Variants in GSE1 observed in about 807,000 individuals in gnomAD.
The protein encoded by GSE1 is Gse1 coiled-coil protein.
Under a neutral mutation model 112.6 loss-of-function variants are expected in GSE1, and 32 were observed. That is an observed-to-expected ratio of 0.28 (90% CI 0.21 to 0.38). The LOEUF (loss-of-function observed/expected upper bound fraction) is 0.38. GSE1 is among the 10% of genes least tolerant of loss of function. The probability of loss-of-function intolerance (pLI) is 1.00; values close to 1 mark genes in which losing one functional copy is unlikely to be tolerated. For synonymous variants in GSE1, 1,115 were observed against 735.6 expected (o/e 1.52, Z -8.35); for missense variants, 2,348 against 1,699.2 (o/e 1.38, Z -6.71).
intron 1 of GSE1, among the ~76,000 whole-genome samples, chr16:85,246,437 ACACACACACAC>A (rs1366802954): frequency 2.4e-5 from 1 of 42,382 alleles, no homozygotes; most frequent in African/African-American, 2.2e-4. Context: ...TGCTCTCTAC[ACACACACACAC>A]ACACACACAC....
intron 2 of GSE1, among the ~76,000 whole-genome samples, chr16:85,366,628 T>G (rs1434705857): frequency 6.6e-6 from 1 of 152,152 alleles, no homozygotes; most frequent in Non-Finnish European, 1.5e-5. Flanking sequence ...CTCCCGCCCC[T>G]CTGTTTCCTG....
At chr16:85,593,760 A>G (rs1253404852) in intron 1 of GSE1, 1 of 152,254 alleles carries the variant, frequency 6.6e-6, no homozygotes, top group Admixed American at 6.5e-5. Context: ...CAGAAAGATC[A>G]TGTGGTTAAG....
At position 85,624,190 on chromosome 16, in the gene GSE1, G is replaced by A. The variant is rs1273651910; in HGVS notation, c.8-9724G>A. Among the ~76,000 whole-genome samples, 33 of 152,202 alleles carry A rather than the reference G, an allele frequency of 2.2e-4. 1 individual carries two copies. The highest frequency in any genetic ancestry group is 2.1e-4 in the South Asian group (1 of 4,834). On this transcript the variant is annotated intron_variant, in intron 1 of 15. Transcript: ENST00000253458. The stretch of plus-strand genomic sequence containing the variant: ...GACCTCAGTGCCCGCCCTGGGGTGG[G>A]GGAGCCAGGTTGGATTTCCCTCCTG...
chr16:85,663,399 T>C lies in GSE1; in HGVS notation c.2429T>C (p.Leu810Ser), dbSNP rs747082934. Residue 810 changes from leucine to serine, a missense_variant, in exon 11 of 16, where the codon TTG (leucine) becomes TCG (serine). Leu to Ser is a moderately radical substitution (Grantham distance 145). Transcript: ENST00000253458. The part of the protein sequence containing the change: ...GLTTQQQKEE[L>S]VAQKRRKRRR... ...ACCACCCAACAGCAGAAGGAGGAAT[T>C]GGTGGCCCAGAAGCGGAGGAAGCGG... is the stretch of plus-strand genomic sequence containing the variant. 2.5e-6 allele frequency: 4 copies of C among 1,613,662 alleles called. No individual in the cohort carries two copies. The highest frequency in any genetic ancestry group is 2.7e-5 in the African/African-American group (2 of 74,856).
intron 1 of GSE1, among the ~76,000 whole-genome samples, chr16:85,205,014 C>A (rs1035978335): frequency 6.6e-6 from 1 of 152,242 alleles, no homozygotes; most frequent in Non-Finnish European, 1.5e-5. Context: ...TGCCCAAATC[C>A]TAAAAGCTCT....
Position 85,289,875 on chromosome 16 carries a change from G to A in GSE1, c.2284-67588G>A, listed in dbSNP as rs112827706. ...AAACCACGGTTTTACTCAGAAAGAA[G>A]CCCCTGGTAGAGCTTCTGAGCATGT... On this transcript the variant is annotated intron_variant, in intron 1 of 2. Coordinates refer to the GSE1 transcript ENST00000637419. 8.8e-3 allele frequency among the ~76,000 whole-genome samples: 1,345 copies of A among 152,276 alleles called. 20 individuals are homozygous for A. Among genetic ancestry groups the A allele is most frequent in the African/African-American group, 0.031 (1,295 of 41,550 alleles).
At chr16:85,370,568 T>C (rs2047273934) in intron 2 of GSE1, among the ~76,000 whole-genome samples, 1 of 152,110 alleles carries the variant, frequency 6.6e-6, no homozygotes, top group South Asian at 2.1e-4. Context: ...ACAGCAATGA[T>C]GGTGGGCTTC....
At chr16:85,646,043 C>T (rs936943968) in intron 2 of GSE1, among the ~76,000 whole-genome samples, 1 of 146,730 alleles carries the variant, frequency 6.8e-6, no homozygotes, top group Non-Finnish European at 1.5e-5. Context: ...TGCATTCTAC[C>T]TGCTTCTACC....
intron 1 of GSE1, among the ~76,000 whole-genome samples, chr16:85,559,838 C>G (rs1425652325): frequency 2.0e-5 from 3 of 152,220 alleles, no homozygotes; most frequent in African/African-American, 7.2e-5. Flanking sequence ...ACGCCTGTTC[C>G]TCTGGCAGCT....
chr16:85,253,542 A>G (rs890501279), intron 1 of GSE1, among the ~76,000 whole-genome samples: 1 of 152,108 alleles, frequency 6.6e-6, no homozygotes, highest in Non-Finnish European at 1.5e-5. Flanking sequence ...TGGGTGTTGC[A>G]GAGGGATTGG....
chr16:85,460,653 G>A (rs975444320), intron 2 of GSE1, among the ~76,000 whole-genome samples: 4 of 152,250 alleles, frequency 2.6e-5, no homozygotes, highest in Non-Finnish European at 4.4e-5. Flanking sequence ...CTCCTTGCCC[G>A]AGCTAATGTC....
intron 1 of GSE1, among the ~76,000 whole-genome samples, chr16:85,355,102 GAAAC>G (rs1454505636): frequency 3.9e-5 from 6 of 152,224 alleles, no homozygotes; most frequent in African/African-American, 1.4e-4. Context: ...AGCATTCCCG[GAAAC>G]AAACGGTAAA....
At chr16:85,341,472 A>C (rs973828093) in intron 1 of GSE1, among the ~76,000 whole-genome samples, 3 of 152,068 alleles carry the variant, frequency 2.0e-5, no homozygotes, top group African/African-American at 7.2e-5. Flanking sequence ...AGCCTGGCCA[A>C]CATGATGAAA....
intron 2 of GSE1, among the ~76,000 whole-genome samples, chr16:85,647,878 C>A (rs2051013917): frequency 6.6e-6 from 1 of 152,188 alleles, no homozygotes; most frequent in Admixed American, 6.5e-5. Flanking sequence ...AGCCACCGCG[C>A]CCGGCCAGTG....
intron 2 of GSE1, among the ~76,000 whole-genome samples, chr16:85,492,093 C>G (rs1030362617): frequency 6.6e-6 from 1 of 152,208 alleles, no homozygotes. Flanking sequence ...CACGCCCGCC[C>G]CTCCGAGGCA....
At chr16:85,224,954 C>A (rs1292998468) in intron 1 of GSE1, among the ~76,000 whole-genome samples, 1 of 152,090 alleles carries the variant, frequency 6.6e-6, no homozygotes, top group Non-Finnish European at 1.5e-5. Flanking sequence ...ATGGTGAAAC[C>A]CTGTCTGTAG....
rs202128931 is a variant in GSE1 at position 85,654,406 on chromosome 16, C to G, written c.555C>G (p.Leu185=). 2 of 1,593,438 alleles carry G rather than the reference C, an allele frequency of 1.3e-6. No homozygotes were observed. Among genetic ancestry groups the G allele is most frequent in the Middle Eastern group, 1.7e-4 (1 of 5,952 alleles). Residue 185 remains leucine (L), a synonymous_variant, in exon 4 of 16, where the codon CTC becomes CTG. Coordinates refer to ENST00000253458, the MANE Select transcript of GSE1 (RefSeq NM_014615.5). Reference sequence around the variant, plus strand: ...TCAGCACCCCCTACCCCTTCGGCCTCTCCCCCAGCTCAGTTGTGCAGGATT... The same window carrying G: ...TCAGCACCCCCTACCCCTTCGGCCTGTCCCCCAGCTCAGTTGTGCAGGATT... The part of the protein sequence containing the change: ...HLLSTPYPFG[L]SPSSVVQDSR...
intron 2 of GSE1, among the ~76,000 whole-genome samples, chr16:85,644,802 A>G (rs887592486): frequency 2.0e-5 from 3 of 152,058 alleles, no homozygotes; most frequent in Non-Finnish European, 4.4e-5. Flanking sequence ...GGATGGAATC[A>G]TAGCTCGGTG....
At chr16:85,573,934 G>C (rs2046113156) in intron 1 of GSE1, among the ~76,000 whole-genome samples, 1 of 152,228 alleles carries the variant, frequency 6.6e-6, no homozygotes, top group Non-Finnish European at 1.5e-5. Flanking sequence ...CACCCTCCTT[G>C]TGTGGGAATT....
Sources: allele counts gnomAD v4.1 joint callset (sites outside exome capture counted in the v4.1 genomes callset), GRCh38; gene constraint gnomAD v4.1.1; transcripts MANE v1.5; gene names NCBI Gene and HGNC (gene_info 2026-07-23, HGNC 2026-07-21).